KCNAB1: variants seen among roughly 807,000 people sequenced by gnomAD.
The protein encoded by KCNAB1 is potassium voltage-gated channel subfamily A regulatory beta subunit 1, also known as voltage-gated potassium channel subunit beta-1.
A neutral mutation model predicts 64.6 loss-of-function variants in KCNAB1; 35 were observed. The observed-to-expected ratio is 0.54, with a 90% confidence interval of 0.41 to 0.72. The LOEUF (loss-of-function observed/expected upper bound fraction) is 0.72. KCNAB1 is among the 30% of genes least tolerant of loss of function. KCNAB1 has a pLI of 0.00. For missense variants in KCNAB1, 401 were observed against 512.9 expected (o/e 0.78, Z 2.11); for synonymous variants, 177 against 183.8 (o/e 0.96, Z 0.30).
chr3:156,239,497 C>T (rs1476238861), intron 1 of KCNAB1, among the ~76,000 whole-genome samples: 1 of 152,162 alleles, frequency 6.6e-6, no homozygotes, highest in African/African-American at 2.4e-5. Flanking sequence ...CTCTTCCCTT[C>T]ACCTAGGTCT....
chr3:156,457,591 C>G (rs907283856), intron 4 of KCNAB1, 59 bp downstream of exon 4: 1 of 1,420,690 alleles, frequency 7.0e-7, no homozygotes, highest in Admixed American at 1.7e-5. Context: ...AAGAATCAGC[C>G]CAGACCATTT....
At chr3:156,489,546 AG>A (rs1715488126) in intron 8 of KCNAB1, among the ~76,000 whole-genome samples, 1 of 152,168 alleles carries the variant, frequency 6.6e-6, no homozygotes, top group African/African-American at 2.4e-5. Flanking sequence ...GGTGAGTAAA[AG>A]CCACTTAGCC....
chr3:156,211,861 C>T (rs559335250), intron 1 of KCNAB1, among the ~76,000 whole-genome samples: 28 of 152,252 alleles, frequency 1.8e-4, no homozygotes, highest in African/African-American at 6.5e-4. Flanking sequence ...ATGTGGAAAG[C>T]CCAGCAAGAG....
rs570663845 is a variant in KCNAB1 at position 156,290,912 on chromosome 3, A to G, written c.276-130704A>G. Reference sequence around the variant, plus strand: ...TTAAGAAATAACTTGCAGAGAGAAAAGGAACTCTGACAAGGCTAATAACAG... The same window carrying G: ...TTAAGAAATAACTTGCAGAGAGAAAGGGAACTCTGACAAGGCTAATAACAG... On this transcript the variant is annotated intron_variant, in intron 1 of 13. Transcript: ENST00000490337. 4.2e-5 allele frequency: 40 copies of G among 946,982 alleles called. No individual in the cohort carries two copies. In the African/African-American group the frequency reaches 6.0e-4, roughly 14 times the overall value. 58.7% of individuals were successfully genotyped at this position (946,982 alleles called of 1,614,324 possible).
At chr3:156,286,370 C>G (rs936254650) in intron 1 of KCNAB1, among the ~76,000 whole-genome samples, 1 of 152,208 alleles carries the variant, frequency 6.6e-6, no homozygotes, top group Non-Finnish European at 1.5e-5. Context: ...CATCTGTATA[C>G]TCACATGTTT....
chr3:156,407,596 A>G (rs1192515570), intron 1 of KCNAB1, among the ~76,000 whole-genome samples: 1 of 152,212 alleles, frequency 6.6e-6, no homozygotes, highest in Non-Finnish European at 1.5e-5. Context: ...TTTAAAGTTT[A>G]TGTCCTTAGC....
Position 156,333,001 on chromosome 3 carries a change from A to G in KCNAB1, c.276-88615A>G, listed in dbSNP as rs545899023. Among the ~76,000 whole-genome samples the G allele has an allele frequency of 3.3e-5, 5 of 152,296 alleles. No homozygotes were observed. The South Asian group carries it at 1.0e-3, about 32-fold the overall frequency. On this transcript the variant is annotated intron_variant, in intron 1 of 13. Transcript: ENST00000490337. ...TTGTGGAGTTGGCCTTGCCAGGTAA[A>G]GCCTCAAGGAGCTTTGAAGCTGGCC... is the stretch of plus-strand genomic sequence containing the variant.
At chr3:156,388,656 A>G (rs1269624957) in intron 1 of KCNAB1, among the ~76,000 whole-genome samples, 4 of 152,212 alleles carry the variant, frequency 2.6e-5, no homozygotes, top group South Asian at 2.1e-4. Flanking sequence ...TGCAAATGCT[A>G]TTTGAGCCAG....
At chr3:156,151,843 A>G (rs1161069519) in intron 1 of KCNAB1, among the ~76,000 whole-genome samples, 1 of 151,934 alleles carries the variant, frequency 6.6e-6, no homozygotes, top group African/African-American at 2.4e-5. Flanking sequence ...GCATTTTTTT[A>G]CTCCAGTTGT....
chr3:156,312,703 C>CAAAAAAAAAAAAA (rs397991453), intron 1 of KCNAB1, among the ~76,000 whole-genome samples: 442 of 27,416 alleles, frequency 0.016, 59 homozygotes, highest in Non-Finnish European at 0.022. Context: ...AGACTGTCTC[C>CAAAAAAAAAAAAA]AAAAAAAAAA....
At chr3:156,163,620 A>G (rs1391415461) in intron 1 of KCNAB1, among the ~76,000 whole-genome samples, 1 of 152,248 alleles carries the variant, frequency 6.6e-6, no homozygotes, top group Non-Finnish European at 1.5e-5. Flanking sequence ...TATTCAAGTT[A>G]CTGAGAAGCA....
intron 1 of KCNAB1, among the ~76,000 whole-genome samples, chr3:156,142,027 T>C (rs527532090): frequency 7.6e-4 from 116 of 152,248 alleles, no homozygotes; most frequent in Admixed American, 2.2e-3. Context: ...TTTGATGCTC[T>C]TATGTGCCAT....
intron 1 of KCNAB1, among the ~76,000 whole-genome samples, chr3:156,150,930 T>C (rs1419970963): frequency 1.3e-5 from 2 of 152,194 alleles, no homozygotes; most frequent in African/African-American, 4.8e-5. Context: ...GAGCAAATTT[T>C]CTATGTCTGG....
At position 156,196,836 on chromosome 3, in the gene KCNAB1, A is replaced by G. The variant is rs141978977; in HGVS notation, c.275+75950A>G. ...TGCCCTGGCCAGAACTTCCAACACT[A>G]TGTTGAATAGGAGTGGTGAGAGAGG... On this transcript the variant is annotated intron_variant, in intron 1 of 13. Coordinates refer to ENST00000490337, the MANE Select transcript of KCNAB1 (RefSeq NM_172160.3). Among the ~76,000 whole-genome samples, 782 of 152,234 alleles carry G rather than the reference A, an allele frequency of 5.1e-3. 2 individuals are homozygous for G. The highest frequency in any genetic ancestry group is 8.6e-3 in the Non-Finnish European group (588 of 67,990).
At position 156,237,208 on chromosome 3, in the gene KCNAB1, G is replaced by A. The variant is rs1716902570; in HGVS notation, c.275+116322G>A. On this transcript the variant is annotated intron_variant, in intron 1 of 13. Transcript: ENST00000490337. ...AAATAATGTACTTTCATAGATGATAGCATGAAATTTTCAGTCCAGTGTGTC... is the reference window on the plus strand; with the variant it reads ...AAATAATGTACTTTCATAGATGATAACATGAAATTTTCAGTCCAGTGTGTC... 2.6e-5 allele frequency among the ~76,000 whole-genome samples: 4 copies of A among 152,302 alleles called. No individual in the cohort carries two copies. In the South Asian group the frequency reaches 8.3e-4, roughly 32 times the overall value.
intron 1 of KCNAB1, among the ~76,000 whole-genome samples, chr3:156,335,497 G>A (rs1006685451): frequency 1.3e-5 from 2 of 152,204 alleles, no homozygotes; most frequent in African/African-American, 4.8e-5. Context: ...TTGCCATTGA[G>A]GACTATAGCT....
chr3:156,319,914 A>T (rs1043576899), intron 1 of KCNAB1, among the ~76,000 whole-genome samples: 12 of 152,222 alleles, frequency 7.9e-5, no homozygotes, highest in African/African-American at 2.9e-4. Flanking sequence ...GTTTCCAAGT[A>T]AGTATACCAT....
intron 1 of KCNAB1, among the ~76,000 whole-genome samples, chr3:156,332,711 G>A (rs1486708807): frequency 1.3e-5 from 2 of 152,044 alleles, no homozygotes; most frequent in Non-Finnish European, 2.9e-5. Flanking sequence ...TTTTCTTTTC[G>A]AAAATATGAC....
chr3:156,300,693 C>A (rs1304671890), intron 1 of KCNAB1, among the ~76,000 whole-genome samples: 1 of 151,974 alleles, frequency 6.6e-6, no homozygotes, highest in Non-Finnish European at 1.5e-5. Context: ...AAAATCCTAA[C>A]CTATTTATTA....
Sources: gnomAD v4.1 joint callset for allele counts (sites outside exome capture counted in the v4.1 genomes callset) on GRCh38, gnomAD v4.1.1 for gene constraint, MANE v1.5 for transcripts, NCBI Gene and HGNC (gene_info 2026-07-23, HGNC 2026-07-21) for gene names.